DAB1: variants seen among roughly 807,000 people sequenced by gnomAD.
The protein encoded by DAB1 is DAB adaptor protein 1.
In DAB1, 15 loss-of-function variants were observed where a neutral mutation model predicts 64.6. The observed-to-expected ratio is 0.23, with a 90% CI of 0.16 to 0.36. The LOEUF is 0.36. Ranked by LOEUF, DAB1 falls within the 10% of genes least tolerant of loss-of-function variation. The pLI, the probability that DAB1 is intolerant of heterozygous loss-of-function variation, is 1.00. For synonymous variants in DAB1, 235 were observed against 251.9 expected (o/e 0.93, Z 0.64); for missense variants, 596 against 706.7 (o/e 0.84, Z 1.78).
intron 7 of DAB1, among the ~76,000 whole-genome samples, chr1:57,519,348 A>T (rs1644498929): frequency 6.6e-6 from 1 of 152,166 alleles, no homozygotes; most frequent in African/African-American, 2.4e-5. Context: ...CCAGCTCCCA[A>T]GTTCTTTGCT....
chr1:57,555,841 A>G (rs1034540148), intron 7 of DAB1, among the ~76,000 whole-genome samples: 1 of 152,166 alleles, frequency 6.6e-6, no homozygotes, highest in Non-Finnish European at 1.5e-5. Flanking sequence ...GTGTTGGGAA[A>G]CATGATATGA....
chr1:58,211,771 C>G (rs1453755346), intron 4 of DAB1, among the ~76,000 whole-genome samples: 2 of 152,170 alleles, frequency 1.3e-5, no homozygotes, highest in African/African-American at 4.8e-5. Context: ...GATGAAATCA[C>G]TTTCCTGTGG....
intron 4 of DAB1, among the ~76,000 whole-genome samples, chr1:58,277,372 C>G (rs151205473): frequency 6.6e-6 from 1 of 152,282 alleles, no homozygotes; most frequent in Non-Finnish European, 1.5e-5. Flanking sequence ...GTTCCTGGCA[C>G]TTAAGCTTTC....
intron 6 of DAB1, among the ~76,000 whole-genome samples, chr1:57,778,181 G>A (rs1192989491): frequency 2.6e-5 from 4 of 151,964 alleles, no homozygotes; most frequent in Non-Finnish European, 4.4e-5. Flanking sequence ...CATATGATAT[G>A]ATAGGCATAT....
At chr1:57,321,183 T>C (rs897355964) in intron 1 of DAB1, among the ~76,000 whole-genome samples, 1 of 152,160 alleles carries the variant, frequency 6.6e-6, no homozygotes, top group Non-Finnish European at 1.5e-5. Context: ...TTTCAGCACT[T>C]GACTTTGCAA....
intron 4 of DAB1, among the ~76,000 whole-genome samples, chr1:58,264,932 C>T (rs749407965): frequency 6.6e-5 from 10 of 152,146 alleles, no homozygotes; most frequent in Middle Eastern, 3.2e-3. Context: ...ATGATTTGCA[C>T]GGTCCTAGAA....
At chr1:57,336,675 C>T (rs1254169639) in intron 1 of DAB1, among the ~76,000 whole-genome samples, 1 of 152,174 alleles carries the variant, frequency 6.6e-6, no homozygotes, top group East Asian at 1.9e-4. Context: ...GGAGGTGTGG[C>T]TTTTGAGTCT....
In DAB1 at chr1:57,811,123, C is replaced by A. The variant is rs1651598052; in HGVS notation, n.551+72876G>T. On this transcript the variant is annotated intron_variant and non_coding_transcript_variant, in intron 6 of 20. Coordinates refer to the DAB1 transcript ENST00000485760. ...TTGCACTTAAGGCCCACCTGATAAT[C>A]CAGGATAATCTTCCTATTGTAAGAT... Among the ~76,000 whole-genome samples, 3 of 152,236 alleles carry A rather than the reference C, an allele frequency of 2.0e-5. 1 individual carries two copies. In the South Asian group the frequency reaches 6.2e-4, roughly 31 times the overall value.
intron 5 of DAB1, among the ~76,000 whole-genome samples, chr1:58,116,039 TAA>T (rs531988046): frequency 2.7e-5 from 4 of 146,038 alleles, no homozygotes; most frequent in African/African-American, 7.5e-5. Flanking sequence ...AAAATAAAAA[TAA>T]AAAAAAATAA....
At chr1:57,014,138 T>C (rs1646349500) in intron 12 of DAB1, among the ~76,000 whole-genome samples, 1 of 152,234 alleles carries the variant, frequency 6.6e-6, no homozygotes, top group South Asian at 2.1e-4. Context: ...ATCCTTTTAA[T>C]AACCCATCGC....
intron 4 of DAB1, among the ~76,000 whole-genome samples, chr1:58,301,374 A>G (rs998223205): frequency 6.6e-6 from 1 of 152,202 alleles, no homozygotes; most frequent in Non-Finnish European, 1.5e-5. Flanking sequence ...CTTCTGGATT[A>G]CTATAGAGCA....
chr1:57,243,274 A>G (rs1668625154), intron 2 of DAB1, among the ~76,000 whole-genome samples: 3 of 152,166 alleles, frequency 2.0e-5, no homozygotes, highest in Admixed American at 6.5e-5. Flanking sequence ...GGTCCCTGAA[A>G]TCACTGTGAA....
chr1:58,120,929 G>A (rs74076075), intron 5 of DAB1, among the ~76,000 whole-genome samples: 30,227 of 152,040 alleles, frequency 0.2, 3,191 homozygotes, highest in East Asian at 0.36. Flanking sequence ...ATTATGACCG[G>A]ATGAAAAGGA....
chr1:57,433,311 C>G (rs1685579652), intron 7 of DAB1, among the ~76,000 whole-genome samples: 1 of 152,134 alleles, frequency 6.6e-6, no homozygotes, highest in African/African-American at 2.4e-5. Context: ...GATTTCAAGA[C>G]TTACTAGAAA....
chr1:58,515,893 T>C (rs1310992621), intron 2 of DAB1, among the ~76,000 whole-genome samples: 1 of 152,248 alleles, frequency 6.6e-6, no homozygotes, highest in Non-Finnish European at 1.5e-5. Flanking sequence ...TAAAAGTCTA[T>C]GATTCTACAA....
chr1:58,189,271 C>A (rs1218694429), intron 4 of DAB1, among the ~76,000 whole-genome samples: 1 of 152,158 alleles, frequency 6.6e-6, no homozygotes, highest in Non-Finnish European at 1.5e-5. Context: ...TTCAGCTGTT[C>A]CAATGCAAAA....
At chr1:58,197,190 T>C (rs1657723558) in intron 4 of DAB1, among the ~76,000 whole-genome samples, 1 of 152,106 alleles carries the variant, frequency 6.6e-6, no homozygotes, top group African/African-American at 2.4e-5. Context: ...ACAACATGAA[T>C]GAAAAGTGAG....
chr1:58,300,645 AGAGGAAGGAAGGAAGGAAGG>A (rs1662140061), intron 4 of DAB1, among the ~76,000 whole-genome samples: 2 of 55,806 alleles, frequency 3.6e-5, no homozygotes, highest in Non-Finnish European at 7.2e-5. Flanking sequence ...AGAGAGAGAG[AGAGGAAGGAAGGAAGGAAGG>A]AAGGAAGGAA....
chr1:58,218,133 T>C (rs115576703), intron 4 of DAB1, among the ~76,000 whole-genome samples: 2,818 of 152,190 alleles, frequency 0.019, 73 homozygotes, highest in African/African-American at 0.064. Flanking sequence ...GGTGAGCTGG[T>C]CTCCAGTCCA....
Sources: gnomAD v4.1 joint callset for allele counts (sites outside exome capture counted in the v4.1 genomes callset) on GRCh38, gnomAD v4.1.1 for gene constraint, MANE v1.5 for transcripts, NCBI Gene and HGNC (gene_info 2026-07-23, HGNC 2026-07-21) for gene names.